The following TFAP2B variants were observed in gnomAD, a reference collection of about 807,000 sequenced individuals.
TFAP2B encodes the protein transcription factor AP-2-beta.
Under a neutral mutation model 44.3 loss-of-function variants are expected in TFAP2B, and 9 were observed. That is an observed-to-expected ratio of 0.20 (90% CI 0.12 to 0.35). TFAP2B has a LOEUF of 0.35. Ranked by LOEUF, TFAP2B falls within the 10% of genes least tolerant of loss-of-function variation. The pLI is 1.00. For missense variants in TFAP2B, 509 were observed against 600.0 expected (o/e 0.85, Z 1.59); for synonymous variants, 270 against 263.8 (o/e 1.02, Z -0.23).
At chr6:50,837,667 C>A (rs1762648704) in intron 4 of TFAP2B, among the ~76,000 whole-genome samples, 1 of 152,164 alleles carries the variant, frequency 6.6e-6, no homozygotes, top group African/African-American at 2.4e-5. Flanking sequence ...AAGGAACATG[C>A]ACGTGCATGT....
At chr6:50,820,860 A>G (rs978718419) in intron 1 of TFAP2B, among the ~76,000 whole-genome samples, 5 of 147,496 alleles carry the variant, frequency 3.4e-5, no homozygotes, top group African/African-American at 1.2e-4. Flanking sequence ...AAGGAGGGAG[A>G]GAAGAAAGGA....
At chr6:50,832,470 T>C (rs976817318) in intron 3 of TFAP2B, among the ~76,000 whole-genome samples, 1 of 152,216 alleles carries the variant, frequency 6.6e-6, no homozygotes, top group African/African-American at 2.4e-5. Flanking sequence ...CCCACACTTA[T>C]ACATGCACTA....
rs373897654 is a variant in TFAP2B at position 50,828,640 on chromosome 6, A to G, written c.562A>G (p.Ser188Gly). The change falls in exon 3 of 7, where the codon AGC becomes GGC. Residue 188 changes from serine (S) to glycine (G), a missense_variant. By Grantham distance (56) the Ser-to-Gly change is moderately conservative. Around this residue, in one of 3 missense-constraint regions of TFAP2B, gnomAD observed 296 missense variants for 308.2 expected, o/e 0.96. Transcript: ENST00000393655. ...DVQSVEDANNSGMNLLDQSVI... is the reference protein window; with the variant it reads ...DVQSVEDANNGGMNLLDQSVI... ...ACAGTCAGTTGAAGATGCCAATAAC[A>G]GCGGCATGAATCTATTGGACCAGTC... 40 of 1,613,982 alleles carry G rather than the reference A, an allele frequency of 2.5e-5. 1 individual carries two copies. Among genetic ancestry groups the G allele is most frequent in the East Asian group, 1.6e-4 (7 of 44,876 alleles).
chr6:50,843,528 T>TA lies in TFAP2B; in HGVS notation c.*146dup, dbSNP rs969233204. The TA allele has an allele frequency of 4.7e-3, 3,771 of 800,228 alleles. 69 individuals carry two copies. The African/African-American group carries it at 0.053, about 11-fold the overall frequency. 49.6% of individuals were successfully genotyped at this position (800,228 alleles called of 1,614,324 possible). ...TAGAATACACATACAATCAAAATTT[T>TA]AAAAAAAAAAGCTAAATAACTTAAA... is the stretch of plus-strand genomic sequence containing the variant. On this transcript the variant is annotated 3_prime_UTR_variant, in exon 7 of 7. Transcript: ENST00000393655.
intron 6 of TFAP2B, among the ~76,000 whole-genome samples, chr6:50,840,570 G>C (rs1226384887): frequency 2.0e-5 from 3 of 152,132 alleles, no homozygotes; most frequent in Admixed American, 6.5e-5. Flanking sequence ...TTTTCTGAGG[G>C]AGTTCTTGTT....
intron 2 of TFAP2B, 136 bp from the exon 3 acceptor site, chr6:50,828,480 GTAA>G (rs1161771860): frequency 4.1e-4 from 285 of 696,336 alleles, no homozygotes; most frequent in South Asian, 7.8e-4. Context: ...CTATTTGGAG[GTAA>G]TAATAATAAT....
chr6:50,823,040 A>G (rs186282368), intron 1 of TFAP2B, among the ~76,000 whole-genome samples: 1 of 152,302 alleles, frequency 6.6e-6, no homozygotes, highest in African/African-American at 2.4e-5. Context: ...GACTCCTACA[A>G]TTTTAATTAA....
At chr6:50,821,617 C>G (rs972275577) in intron 1 of TFAP2B, among the ~76,000 whole-genome samples, 1 of 152,144 alleles carries the variant, frequency 6.6e-6, no homozygotes. Context: ...AACTTTTTCC[C>G]CAGTCTGCCT....
intron 2 of TFAP2B, among the ~76,000 whole-genome samples, chr6:50,825,748 A>G (rs1265801836): frequency 2.6e-5 from 4 of 152,170 alleles, no homozygotes; most frequent in Non-Finnish European, 5.9e-5. Flanking sequence ...AGCAGCAGGC[A>G]GCACACCGGA....
At chr6:50,821,432 C>T (rs1414983243) in intron 1 of TFAP2B, among the ~76,000 whole-genome samples, 1 of 152,166 alleles carries the variant, frequency 6.6e-6, no homozygotes, top group Admixed American at 6.5e-5. Context: ...TCACACAAAG[C>T]ACCCAAGGCG....
In TFAP2B at chr6:50,845,869, C is replaced by T. The variant is rs1199186677; in HGVS notation, c.*2477C>T. 1 of 152,736 alleles carries T rather than the reference C, an allele frequency of 6.5e-6. No homozygotes were observed. Among genetic ancestry groups the T allele is most frequent in the Admixed American group, 6.5e-5 (1 of 15,290 alleles). 9.5% of individuals were successfully genotyped at this position (152,736 alleles called of 1,614,324 possible). A position where few individuals can be genotyped will look rare whatever the true frequency, so the allele number is the denominator to read the frequency against. ...CGCGGGCCCTTCCCGCTCTCGGTCT[C>T]ACCCTAAGGGCTAAGGCGACCGAGA... is the stretch of plus-strand genomic sequence containing the variant. On this transcript the variant is annotated 3_prime_UTR_variant, in exon 7 of 7. Coordinates refer to ENST00000393655, the MANE Select transcript of TFAP2B (RefSeq NM_003221.4).
At chr6:50,830,425 A>T (rs1232367170) in intron 3 of TFAP2B, 1 of 441,476 alleles carries the variant, frequency 2.3e-6, no homozygotes, top group Non-Finnish European at 3.0e-6. Flanking sequence ...ATTTATGTGC[A>T]AGGTTGTCTC....
Position 50,843,266 on chromosome 6 carries a change from C to G in TFAP2B, c.1257C>G (p.Asn419Lys). Reference sequence around the variant, plus strand: ...GCGCCGCGCTCACGGCCCTGCAGAACTATCTCACCGAGGCGCTCAAAGGCA... The same window carrying G: ...GCGCCGCGCTCACGGCCCTGCAGAAGTATCTCACCGAGGCGCTCAAAGGCA... ...AICAALTALQNYLTEALKGMD... is the reference protein window; with the variant it reads ...AICAALTALQKYLTEALKGMD... The change falls in exon 7 of 7, where the codon AAC (asparagine) becomes AAG (lysine). Residue 419 changes from asparagine to lysine, a missense_variant. Asn to Lys is a moderately conservative substitution (Grantham distance 94). This residue lies in a region of TFAP2B where 168 missense variants were observed against 183.2 expected (regional missense o/e 0.92). Coordinates refer to ENST00000393655, the MANE Select transcript of TFAP2B (RefSeq NM_003221.4). 1 of 1,614,196 alleles carries G rather than the reference C, an allele frequency of 6.2e-7. No homozygotes were observed. The highest frequency in any genetic ancestry group is 1.1e-5 in the South Asian group (1 of 91,090).
Position 50,843,248 on chromosome 6 carries a change from G to C in TFAP2B, c.1239G>C (p.Ala413=). The C allele has an allele frequency of 6.2e-7, 1 of 1,614,160 alleles. No homozygotes were observed. The highest frequency in any genetic ancestry group is 1.1e-5 in the South Asian group (1 of 91,080). ...HGFGAPAICA[A]LTALQNYLTE... ...TCGGCGCCCCGGCCATTTGCGCCGC[G>C]CTCACGGCCCTGCAGAACTATCTCA... The change falls in exon 7 of 7, where the codon GCG becomes GCC. Residue 413 remains alanine (A), a synonymous_variant. Coordinates refer to ENST00000393655, the MANE Select transcript of TFAP2B (RefSeq NM_003221.4).
chr6:50,826,578 C>T (rs1425632370), intron 2 of TFAP2B, among the ~76,000 whole-genome samples: 4 of 144,884 alleles, frequency 2.8e-5, no homozygotes, highest in Admixed American at 1.4e-4. Context: ...CGCGCGCGCG[C>T]GCGCGCGCGT....
At chr6:50,840,027 C>A in intron 5 of TFAP2B, 129 bp from the exon 6 acceptor site, 1 of 1,229,090 alleles carries the variant, frequency 8.1e-7, no homozygotes, top group Non-Finnish European at 1.2e-6. Context: ...AGGCATCTCT[C>A]ACCTTTGCTT....
Position 50,843,545 on chromosome 6 carries a change from T to G in TFAP2B, c.*153T>G. 1 of 864,926 alleles carries G rather than the reference T, an allele frequency of 1.2e-6. No homozygotes were observed. The highest frequency in any genetic ancestry group is 1.7e-6 in the Non-Finnish European group (1 of 577,532). 53.6% of individuals were successfully genotyped at this position (864,926 alleles called of 1,614,324 possible). A position where few individuals can be genotyped will look rare whatever the true frequency, so the allele number is the denominator to read the frequency against. ...CAAAATTTTAAAAAAAAAAGCTAAA[T>G]AACTTAAAAAAAAACTGAGGCGTAC... is the stretch of plus-strand genomic sequence containing the variant. On this transcript the variant is annotated 3_prime_UTR_variant, in exon 7 of 7. Coordinates refer to ENST00000393655, the MANE Select transcript of TFAP2B (RefSeq NM_003221.4).
At chr6:50,839,913 G>A (rs2113955390) in intron 5 of TFAP2B, among the ~76,000 whole-genome samples, 1 of 152,268 alleles carries the variant, frequency 6.6e-6, no homozygotes, top group South Asian at 2.1e-4. Flanking sequence ...AGCTATTCAG[G>A]GGATGTCTAG....
intron 3 of TFAP2B, among the ~76,000 whole-genome samples, chr6:50,829,656 AT>A (rs1187526029): frequency 5.9e-5 from 9 of 152,352 alleles, no homozygotes; most frequent in African/African-American, 1.9e-4. Context: ...GCTTTCAATC[AT>A]TTATGATTCA....
Sources: gnomAD v4.1 joint callset for allele counts (sites outside exome capture counted in the v4.1 genomes callset) on GRCh38, gnomAD v4.1.1 for gene constraint, gnomAD v4.1.1 regional missense constraint, MANE v1.5 for transcripts, NCBI Gene and HGNC (gene_info 2026-07-23, HGNC 2026-07-21) for gene names.